DENND1A: variants seen among roughly 807,000 people sequenced by gnomAD.
DENND1A encodes DENN domain containing 1A.
A neutral mutation model predicts 113.7 loss-of-function variants in DENND1A; 51 were observed. That is an observed-to-expected ratio of 0.45 (90% confidence interval 0.36 to 0.57). The LOEUF is 0.57. Ranked by LOEUF, DENND1A falls within the 20% of genes least tolerant of loss-of-function variation. The pLI is 0.00. For synonymous variants in DENND1A, 565 were observed against 570.8 expected, an observed-to-expected ratio of 0.99 and a Z score of 0.14; for missense variants, 1,258 against 1,395.9, an observed-to-expected ratio of 0.90 and a Z score of 1.57.
At chr9:123,895,217 T>G (rs1448879060) in intron 1 of DENND1A, among the ~76,000 whole-genome samples, 3 of 152,130 alleles carry the variant, frequency 2.0e-5, no homozygotes, top group African/African-American at 7.2e-5. Context: ...CATAGCTGCA[T>G]GCCACTTGCA....
At chr9:123,496,828 T>C (rs1318275872) in intron 13 of DENND1A, among the ~76,000 whole-genome samples, 1 of 152,238 alleles carries the variant, frequency 6.6e-6, no homozygotes, top group East Asian at 1.9e-4. Flanking sequence ...GCCGGTGCCC[T>C]TGGTGGGAGC....
Position 123,858,549 on chromosome 9 carries a change from C to A in DENND1A, c.88+20402G>T, listed in dbSNP as rs571849992. Among the ~76,000 whole-genome samples the A allele has an allele frequency of 2.0e-5, 3 of 152,138 alleles. No homozygotes were observed. In the East Asian group the frequency reaches 5.8e-4, roughly 29 times the overall value. On this transcript the variant is annotated intron_variant, in intron 2 of 23. Transcript: ENST00000394215. The stretch of plus-strand genomic sequence containing the variant: ...AGAAGGAACAGTTTAGGATTAGGAT[C>A]GGCGTTTCCATTTTGTTTTGCTAGG...
intron 5 of DENND1A, among the ~76,000 whole-genome samples, chr9:123,734,769 T>C (rs183955376): frequency 6.8e-4 from 103 of 152,202 alleles, no homozygotes; most frequent in African/African-American, 2.5e-3. Context: ...ATATGATGGG[T>C]GTGTATTACA....
rs549187578 is a variant in DENND1A at position 123,705,573 on chromosome 9, G to A, written c.303-28784C>T. Among the ~76,000 whole-genome samples the A allele has an allele frequency of 2.0e-4, 31 of 152,138 alleles. No homozygotes were observed. The South Asian group carries it at 3.3e-3, about 16-fold the overall frequency. On this transcript the variant is annotated intron_variant, in intron 5 of 23. Coordinates refer to ENST00000394215, the MANE Select transcript of DENND1A (RefSeq NM_001352964.2). Reference sequence around the variant, plus strand: ...AAAATATATGCCATTTATAGAACCCGTAAAAACATAGGTCCTTAGGGGAAA... The same window carrying A: ...AAAATATATGCCATTTATAGAACCCATAAAAACATAGGTCCTTAGGGGAAA...
chr9:123,485,617 A>ACCGTGTGTGTGTGTGCGC (rs140297188), intron 13 of DENND1A: 28,206 of 147,542 alleles, frequency 0.19, 2,877 homozygotes, highest in Middle Eastern at 0.21. Flanking sequence ...ACCAGGGGAC[A>ACCGTGTGTGTGTGTGCGC]CCGTGTGTGT....
chr9:123,757,923 T>A, intron 4 of DENND1A, 101 bp from the exon 5 acceptor site: 1 of 1,339,752 alleles, frequency 7.5e-7, no homozygotes, highest in Non-Finnish European at 1.0e-6. Flanking sequence ...ATTTCCTCTC[T>A]CAGTGGAACT....
At chr9:123,503,376 C>T (rs2052654766) in intron 13 of DENND1A, among the ~76,000 whole-genome samples, 1 of 152,178 alleles carries the variant, frequency 6.6e-6, no homozygotes, top group Admixed American at 6.5e-5. Flanking sequence ...CTGGTATGCC[C>T]TCAACAAATG....
chr9:123,424,615 C>T lies in DENND1A; in HGVS notation c.1489-12786G>A, dbSNP rs79887735. Among the ~76,000 whole-genome samples, 332 of 152,288 alleles carry T rather than the reference C, an allele frequency of 2.2e-3. 1 individual carries two copies. Among genetic ancestry groups the T allele is most frequent in the African/African-American group, 7.7e-3 (322 of 41,572 alleles). On this transcript the variant is annotated intron_variant, in intron 19 of 23. Transcript: ENST00000394215. The stretch of plus-strand genomic sequence containing the variant: ...AATACAACCCTCGTTGGCTCCTAGG[C>T]ACCTATGGGATAAAATTCAAGCTCC...
chr9:123,885,005 A>G (rs564332326), intron 1 of DENND1A, among the ~76,000 whole-genome samples: 8,285 of 137,180 alleles, frequency 0.06, 319 homozygotes, highest in African/African-American at 0.15. Context: ...GCGCACACAC[A>G]CACACACACA....
chr9:123,794,792 C>A (rs1183226108), intron 2 of DENND1A, among the ~76,000 whole-genome samples: 5 of 151,592 alleles, frequency 3.3e-5, no homozygotes, highest in Non-Finnish European at 5.9e-5. Flanking sequence ...TTAATATATA[C>A]AACATAGCAT....
At chr9:123,748,230 C>G (rs1036704316) in intron 5 of DENND1A, among the ~76,000 whole-genome samples, 2 of 152,162 alleles carry the variant, frequency 1.3e-5, no homozygotes, top group Non-Finnish European at 2.9e-5. Context: ...CAAAGTTATA[C>G]CTACAGCACC....
intron 13 of DENND1A, among the ~76,000 whole-genome samples, chr9:123,509,700 T>G (rs948957956): frequency 5.3e-5 from 8 of 152,224 alleles, no homozygotes; most frequent in Non-Finnish European, 1.0e-4. Context: ...GGCCAGACTT[T>G]CCTCCTGAAC....
At chr9:123,738,225 C>G (rs2068715497) in intron 5 of DENND1A, among the ~76,000 whole-genome samples, 1 of 152,156 alleles carries the variant, frequency 6.6e-6, no homozygotes, top group Admixed American at 6.5e-5. Flanking sequence ...TTAAATACAG[C>G]TTATGACTCT....
intron 1 of DENND1A, among the ~76,000 whole-genome samples, chr9:123,902,790 C>A (rs527615538): frequency 1.4e-5 from 2 of 140,622 alleles, no homozygotes; most frequent in East Asian, 4.1e-4. Flanking sequence ...GAGAACAAGA[C>A]AAGTAACAAC....
rs903703580 is a variant in DENND1A at position 123,671,224 on chromosome 9, C to A, written c.453+67G>T. Reference sequence around the variant, plus strand: ...GCTGACAAAATACAATCCTGTTCAGCTAGCTCCCTCTTACTGTCAATAATG... The same window carrying A: ...GCTGACAAAATACAATCCTGTTCAGATAGCTCCCTCTTACTGTCAATAATG... On this transcript the variant is annotated intron_variant, in intron 7 of 23. Transcript: ENST00000394215. 10 of 1,580,868 alleles carry A rather than the reference C, an allele frequency of 6.3e-6. No homozygotes were observed. The African/African-American group carries it at 6.7e-5, about 11-fold the overall frequency.
At chr9:123,632,325 T>C (rs995792982) in intron 9 of DENND1A, among the ~76,000 whole-genome samples, 2 of 152,156 alleles carry the variant, frequency 1.3e-5, no homozygotes, top group African/African-American at 4.8e-5. Context: ...GTTTAACCCA[T>C]CCCTTCACAT....
chr9:123,630,204 C>CTTTTTTTTTTT (rs11324537), intron 10 of DENND1A, among the ~76,000 whole-genome samples, 172 bp downstream of exon 10: 2 of 94,068 alleles, frequency 2.1e-5, no homozygotes, highest in African/African-American at 5.3e-5. Context: ...CCATGACTGG[C>CTTTTTTTTTTT]TTTTTTTTTT....
At chr9:123,761,382 G>T (rs1589975927) in intron 4 of DENND1A, among the ~76,000 whole-genome samples, 2 of 152,174 alleles carry the variant, frequency 1.3e-5, no homozygotes, top group Admixed American at 6.5e-5. Context: ...TAAAAAGAGG[G>T]ACGCAAGCTG....
chr9:123,783,870 T>C (rs1831703686), intron 3 of DENND1A, among the ~76,000 whole-genome samples: 3 of 152,160 alleles, frequency 2.0e-5, no homozygotes, highest in Non-Finnish European at 4.4e-5. Context: ...ATTTGAAGCG[T>C]TCACAGATTG....
Sources: gnomAD v4.1 joint callset for allele counts (sites outside exome capture counted in the v4.1 genomes callset) on GRCh38, gnomAD v4.1.1 for gene constraint, MANE v1.5 for transcripts, NCBI Gene and HGNC (gene_info 2026-07-23, HGNC 2026-07-21) for gene names.